Variants in TMEM204 observed in about 807,000 individuals in gnomAD.
TMEM204 encodes the protein claudin-like protein 24.
In TMEM204, 15 loss-of-function variants were observed where a neutral mutation model predicts 19.4. The ratio of observed to expected loss-of-function variants is 0.77; its 90% CI spans 0.52 to 1.19. The LOEUF (loss-of-function observed/expected upper bound fraction) is 1.19. TMEM204 is among the 50% of genes most tolerant of loss of function. The pLI, the probability that TMEM204 is intolerant of heterozygous loss-of-function variation, is 0.00. For synonymous variants in TMEM204, 161 were observed against 146.0 expected (o/e 1.10, Z -0.74); for missense variants, 287 against 321.2 (o/e 0.89, Z 0.81).
chr16:1,528,797 G>A (rs1188510019), upstream of TMEM204: 1 of 152,474 alleles, frequency 6.6e-6, no homozygotes, highest in African/African-American at 2.4e-5. Context: ...CGTGGTCCCG[G>A]TGAGTGAGCG....
chr16:1,541,034 A>G, intron 1 of TMEM204: 2 of 985,432 alleles, frequency 2.0e-6, no homozygotes, highest in Non-Finnish European at 2.4e-6. Context: ...TCTCTGCTAC[A>G]GAAACGTGAC....
At position 1,551,426 on chromosome 16, in the gene TMEM204, G is replaced by A. The variant is rs1209915405; in HGVS notation, c.437-3356G>A. Among the ~76,000 whole-genome samples the A allele has an allele frequency of 6.6e-6, 1 of 152,182 alleles. No individual in the cohort carries two copies. Among genetic ancestry groups the A allele is most frequent in the Non-Finnish European group, 1.5e-5 (1 of 68,030 alleles). On this transcript the variant is annotated intron_variant, in intron 2 of 2. Transcript: ENST00000566264. The surrounding 1 kb of genome is among the most constrained non-coding windows in gnomAD (Gnocchi z 4.0). ...GGTGGACCCAGTGACTGAGAGGGGT[G>A]GAAAGGGCCACTGGGCCCCAGGGTG...
At chr16:1,541,011 G>C (rs2031579966) in intron 1 of TMEM204, 4 of 985,384 alleles carry the variant, frequency 4.1e-6, no homozygotes, top group Non-Finnish European at 4.8e-6. Flanking sequence ...GGTTTTATTT[G>C]CGGGAGAACA....
Position 1,553,482 on chromosome 16 carries a change from C to T in TMEM204, c.437-1300C>T. On this transcript the variant is annotated intron_variant, in intron 2 of 2. Coordinates refer to ENST00000566264, the MANE Select transcript of TMEM204 (RefSeq NM_024600.6). The surrounding 1 kb of genome is among the most constrained non-coding windows in gnomAD (Gnocchi z 4.4). ...TCAACATGCAGGCCAGGCGGAGGGA[C>T]AGCAGTGGGGCTCGGCGTGGCCGGA... 4.1e-6 allele frequency: 4 copies of T among 985,448 alleles called. 1 individual carries two copies. The highest frequency in any genetic ancestry group is 4.8e-6 in the Non-Finnish European group (4 of 829,936). 61.0% of individuals were successfully genotyped at this position (985,448 alleles called of 1,614,324 possible).
At chr16:1,540,671 G>A (rs6600152) in intron 1 of TMEM204, 30,130 of 215,132 alleles carry the variant, frequency 0.14, 2,349 homozygotes, top group Admixed American at 0.24. Context: ...GGATGCGGGC[G>A]CGGGGACCCG....
chr16:1,554,726 G>GATAA (rs2032948642), intron 2 of TMEM204, 56 bp from the exon 3 acceptor site: 1 of 1,597,210 alleles, frequency 6.3e-7, no homozygotes, highest in Non-Finnish European at 8.5e-7. Context: ...GCTGGGGAAG[G>GATAA]AGTGGAACCC....
chr16:1,544,815 A>AT (rs1449997492), intron 2 of TMEM204, among the ~76,000 whole-genome samples: 1 of 148,666 alleles, frequency 6.7e-6, no homozygotes, highest in Non-Finnish European at 1.5e-5. Context: ...CGCCTGGCTA[A>AT]TTTTTTGTAT....
chr16:1,553,438 A>T lies in TMEM204; in HGVS notation c.437-1344A>T. The T allele has an allele frequency of 1.0e-6, 1 of 985,394 alleles. No homozygotes were observed. The highest frequency in any genetic ancestry group is 1.2e-6 in the Non-Finnish European group (1 of 829,926). 61.0% of individuals were successfully genotyped at this position (985,394 alleles called of 1,614,324 possible). On this transcript the variant is annotated intron_variant, in intron 2 of 2. Coordinates refer to ENST00000566264, the MANE Select transcript of TMEM204 (RefSeq NM_024600.6). The surrounding 1 kb of genome is among the most constrained non-coding windows in gnomAD (Gnocchi z 4.4). ...GGCGGTTGGGAGTGGAGAGACCGGC[A>T]TGAACAGACGCACAGGTGTCAACAT...
At chr16:1,554,121 G>T (rs1396366112) in intron 2 of TMEM204, 2 of 1,287,200 alleles carry the variant, frequency 1.6e-6, no homozygotes, top group African/African-American at 1.5e-5. Context: ...TGACTCGGAA[G>T]TGAGGGAAGA....
chr16:1,542,743 G>A (rs538121543), intron 2 of TMEM204, among the ~76,000 whole-genome samples: 10 of 152,342 alleles, frequency 6.6e-5, no homozygotes, highest in Admixed American at 2.6e-4. Flanking sequence ...TGATGCAGAC[G>A]GCAGGACCAT....
rs2032850064 is a variant in TMEM204 at position 1,553,529 on chromosome 16, A to G, written c.437-1253A>G. The G allele has an allele frequency of 3.0e-6, 3 of 994,940 alleles. No homozygotes were observed. In the South Asian group the frequency reaches 1.3e-4, roughly 45 times the overall value. 61.6% of individuals were successfully genotyped at this position (994,940 alleles called of 1,614,324 possible). A position where few individuals can be genotyped will look rare whatever the true frequency, so the allele number is the denominator to read the frequency against. On this transcript the variant is annotated intron_variant, in intron 2 of 2. Coordinates refer to ENST00000566264, the MANE Select transcript of TMEM204 (RefSeq NM_024600.6). This position sits in a 1 kb window ranked among gnomAD's most constrained non-coding sequence, Gnocchi z 4.4. ...CGGAGCCTGGGGAGGGACATGGACA[A>G]GTCCTCTATGGACAAGAGGGGCTGG...
chr16:1,553,300 C>T lies in TMEM204; in HGVS notation c.437-1482C>T. 1 of 984,220 alleles carries T rather than the reference C, an allele frequency of 1.0e-6. No individual in the cohort carries two copies. 61.0% of individuals were successfully genotyped at this position (984,220 alleles called of 1,614,324 possible). On this transcript the variant is annotated intron_variant, in intron 2 of 2. Transcript: ENST00000566264. This position sits in a 1 kb window ranked among gnomAD's most constrained non-coding sequence, Gnocchi z 4.4. ...TCTCTCTGTGTCTCTGCCTGTCTCT[C>T]TGTGTCTCTGTCTCTGTGTCTCTGT... is the stretch of plus-strand genomic sequence containing the variant.
At chr16:1,552,045 T>A (rs1208360666) in intron 2 of TMEM204, among the ~76,000 whole-genome samples, 1 of 151,894 alleles carries the variant, frequency 6.6e-6, no homozygotes, top group Non-Finnish European at 1.5e-5. Flanking sequence ...GTGAGGGAGG[T>A]TGACCCTGGA....
At chr16:1,552,886 C>T in intron 2 of TMEM204, 1 of 809,144 alleles carries the variant, frequency 1.2e-6, no homozygotes, top group East Asian at 1.3e-4. Flanking sequence ...AACTCGTGAC[C>T]TCGTGATCCA....
In TMEM204 at chr16:1,551,743, T is replaced by C. The variant is rs1041066084; in HGVS notation, c.437-3039T>C. On this transcript the variant is annotated intron_variant, in intron 2 of 2. Coordinates refer to ENST00000566264, the MANE Select transcript of TMEM204 (RefSeq NM_024600.6). The surrounding 1 kb of genome is among the most constrained non-coding windows in gnomAD (Gnocchi z 4.0). Reference sequence around the variant, plus strand: ...ACGGGGTTTTGTTGGGAGCTACCTATACAAAGGAGGCCACACCACACGTGC... The same window carrying C: ...ACGGGGTTTTGTTGGGAGCTACCTACACAAAGGAGGCCACACCACACGTGC... Among the ~76,000 whole-genome samples, 3 of 152,084 alleles carry C rather than the reference T, an allele frequency of 2.0e-5. No individual in the cohort carries two copies. The highest frequency in any genetic ancestry group is 6.5e-5 in the Admixed American group (1 of 15,270).
chr16:1,529,592 C>T (rs900791593), upstream of TMEM204, among the ~76,000 whole-genome samples: 3 of 152,228 alleles, frequency 2.0e-5, no homozygotes, highest in Admixed American at 6.5e-5. Context: ...CCTGAGCACC[C>T]GGCCCACCAG....
rs370417093 is a variant in TMEM204 at position 1,537,790 on chromosome 16, C to T, written c.280+3235C>T. 2.5e-3 allele frequency among the ~76,000 whole-genome samples: 379 copies of T among 152,344 alleles called. 1 individual carries two copies. The highest frequency in any genetic ancestry group is 4.2e-3 in the Admixed American group (65 of 15,310). On this transcript the variant is annotated intron_variant, in intron 1 of 2. Coordinates refer to ENST00000566264, the MANE Select transcript of TMEM204 (RefSeq NM_024600.6). ...ATGACCGTGTGATTGAATCTCGAGG[C>T]AGGCGAGCCAGAGCCTGGCGCTAGC...
chr16:1,554,080 G>C, intron 2 of TMEM204: 1 of 1,287,168 alleles, frequency 7.8e-7, no homozygotes, highest in South Asian at 1.2e-5. Flanking sequence ...AAATCTGCCA[G>C]GGAGGAGGGA....
intron 1 of TMEM204, among the ~76,000 whole-genome samples, chr16:1,540,332 G>A (rs760587621): frequency 2.6e-5 from 4 of 152,216 alleles, no homozygotes; most frequent in African/African-American, 7.2e-5. Flanking sequence ...TGGTTCCAAC[G>A]GATACTTCTA....
Sources: gnomAD v4.1 joint callset for allele counts (sites outside exome capture counted in the v4.1 genomes callset) on GRCh38, gnomAD v4.1.1 for gene constraint, Gnocchi (gnomAD v3.1) non-coding constraint, MANE v1.5 for transcripts, NCBI Gene and HGNC (gene_info 2026-07-23, HGNC 2026-07-21) for gene names.